Variants in GFRAL observed in about 807,000 individuals in gnomAD.
GFRAL encodes GDNF family receptor alpha-like.
GFRAL carries 36 observed loss-of-function variants against 45.4 expected under a neutral mutation model. That is an observed-to-expected ratio of 0.79 (90% CI 0.61 to 1.05). GFRAL has a LOEUF of 1.05. GFRAL is among the 50% of genes least tolerant of loss of function. The pLI, the probability that GFRAL is intolerant of heterozygous loss-of-function variation, is 0.00. For missense variants in GFRAL, 507 were observed against 467.5 expected, an observed-to-expected ratio of 1.08 and a Z score of -0.78; for synonymous variants, 166 against 154.1, an observed-to-expected ratio of 1.08 and a Z score of -0.57.
chr6:55,333,242 C>A (rs1767852647), intron 2 of GFRAL, among the ~76,000 whole-genome samples: 2 of 151,852 alleles, frequency 1.3e-5, no homozygotes, highest in East Asian at 1.9e-4. Context: ...AGAAAATGTT[C>A]AGGTAGAGGA....
Position 55,387,080 on chromosome 6 carries a change from C to T in GFRAL, c.953-12100C>T, listed in dbSNP as rs200116893. ...TGTTGTATGAATCATCATTTGACTA[C>T]CTTTGTTGTTTGCTCAAAGCCAAAA... On this transcript the variant is annotated intron_variant, in intron 6 of 8. Transcript: ENST00000340465. Among the ~76,000 whole-genome samples, 34 of 152,124 alleles carry T rather than the reference C, an allele frequency of 2.2e-4. 1 individual carries two copies. The South Asian group carries it at 3.9e-3, about 18-fold the overall frequency.
chr6:55,335,630 T>C (rs1055973742), intron 3 of GFRAL, among the ~76,000 whole-genome samples: 1 of 152,170 alleles, frequency 6.6e-6, no homozygotes, highest in African/African-American at 2.4e-5. Context: ...GTACAAGATA[T>C]AAGTCAGATT....
chr6:55,330,196 T>A (rs1364275628), intron 1 of GFRAL, among the ~76,000 whole-genome samples: 1 of 152,174 alleles, frequency 6.6e-6, no homozygotes, highest in Non-Finnish European at 1.5e-5. Flanking sequence ...ATCTGGAAGG[T>A]ATTATTTTTT....
At chr6:55,375,709 C>T (rs2134292) in intron 6 of GFRAL, among the ~76,000 whole-genome samples, 29,098 of 151,716 alleles carry the variant, frequency 0.19, 3,198 homozygotes, top group African/African-American at 0.3. Flanking sequence ...GCACATTAAT[C>T]TTATATCCTG....
chr6:55,367,806 G>T (rs1488634168), intron 6 of GFRAL, among the ~76,000 whole-genome samples: 1 of 152,162 alleles, frequency 6.6e-6, no homozygotes, highest in African/African-American at 2.4e-5. Context: ...TCTGCCAAGA[G>T]ATCCGCTCTT....
rs901174989 is a variant in GFRAL at position 55,399,250 on chromosome 6, A to C, written c.1023A>C (p.Leu341Phe). Reference sequence around the variant, plus strand: ...GAAAACATGCAAACAAAATCACTTTAACTGGATTTCATTCCCCCTTCAATG... The same window carrying C: ...GAAAACATGCAAACAAAATCACTTTCACTGGATTTCATTCCCCCTTCAATG... ...YTRKHANKIT[L>F]TGFHSPFNGE... Residue 341 changes from leucine (L) to phenylalanine (F), a missense_variant, in exon 7 of 9, where the codon TTA becomes TTC. Physicochemically the swap from Leu to Phe is conservative, Grantham distance 22 (BLOSUM62 0). Transcript: ENST00000340465. The C allele has an allele frequency of 3.1e-6, 5 of 1,604,330 alleles. No homozygotes were observed. The highest frequency in any genetic ancestry group is 4.3e-6 in the Non-Finnish European group (5 of 1,172,542).
intron 3 of GFRAL, among the ~76,000 whole-genome samples, chr6:55,347,114 G>C (rs1768054049): frequency 6.6e-6 from 1 of 152,016 alleles, no homozygotes; most frequent in East Asian, 1.9e-4. Context: ...ACAATAACAA[G>C]AAACTGTTCC....
chr6:55,379,879 C>T (rs920196027), intron 6 of GFRAL, among the ~76,000 whole-genome samples: 3 of 151,800 alleles, frequency 2.0e-5, no homozygotes, highest in South Asian at 2.1e-4. Context: ...TTTTAGATTC[C>T]GCATACAAGT....
At chr6:55,367,403 A>C (rs534608318) in intron 6 of GFRAL, among the ~76,000 whole-genome samples, 1 of 144,682 alleles carries the variant, frequency 6.9e-6, no homozygotes, top group Non-Finnish European at 1.5e-5. Context: ...CCAATTTGCC[A>C]GTCTGTGTTT....
chr6:55,401,321 G>T (rs1243815421), intron 8 of GFRAL, among the ~76,000 whole-genome samples: 1 of 152,032 alleles, frequency 6.6e-6, no homozygotes, highest in African/African-American at 2.4e-5. Context: ...TGAAACAAAA[G>T]CATCATTGGC....
intron 3 of GFRAL, among the ~76,000 whole-genome samples, chr6:55,347,296 A>G (rs1768056409): frequency 6.6e-6 from 1 of 152,146 alleles, no homozygotes; most frequent in African/African-American, 2.4e-5. Flanking sequence ...TTGCAATTGA[A>G]AGAGAGAGAA....
In GFRAL at chr6:55,399,386, G is replaced by T. The variant is rs992540787; in HGVS notation, c.1066G>T (p.Ala356Ser). The T allele has an allele frequency of 2.5e-6, 4 of 1,610,736 alleles. No homozygotes were observed. The African/African-American group carries it at 5.3e-5, about 22-fold the overall frequency. The change falls in exon 8 of 9, where the codon GCC becomes TCC. Residue 356 changes from alanine (A) to serine (S), a missense_variant. Physicochemically the swap from Ala to Ser is moderately conservative, Grantham distance 99 (BLOSUM62 1). Coordinates refer to ENST00000340465, the MANE Select transcript of GFRAL (RefSeq NM_207410.2). ...SPFNGEVIYA[A>S]MCMTVTCGIL... ...TTTTCTAGGAGAAGTAATCTATGCT[G>T]CCATGTGCATGACAGTCACCTGTGG...
chr6:55,368,381 G>A (rs1257917780), intron 6 of GFRAL, among the ~76,000 whole-genome samples: 1 of 150,960 alleles, frequency 6.6e-6, no homozygotes, highest in Non-Finnish European at 1.5e-5. Context: ...TTTGCCTTTG[G>A]TTTGAATGTC....
chr6:55,365,674 T>C (rs1473604174), intron 6 of GFRAL, among the ~76,000 whole-genome samples: 62 of 135,446 alleles, frequency 4.6e-4, no homozygotes, highest in African/African-American at 1.2e-3. Context: ...TGTCAAAGGC[T>C]TTTTCTGCAT....
At chr6:55,401,364 A>G (rs115239776) in intron 8 of GFRAL, among the ~76,000 whole-genome samples, 2,588 of 152,290 alleles carry the variant, frequency 0.017, 41 homozygotes, top group South Asian at 0.034. Flanking sequence ...ACCTGGAGAT[A>G]AATAATGCTC....
chr6:55,351,535 C>G lies in GFRAL; in HGVS notation c.653C>G (p.Pro218Arg), dbSNP rs146916331. ...TGTGCAGTGAACATGGTTCCACCCC[C>G]TACTTGCCTCAGTGTAATTCGCAGC... is the stretch of plus-strand genomic sequence containing the variant. ...KTCAVNMVPP[P>R]TCLSVIRSCQ... Residue 218 changes from proline (P) to arginine (R), a missense_variant, in exon 5 of 9, where the codon CCT (proline) becomes CGT (arginine). By Grantham distance (103) the Pro-to-Arg change is moderately radical (BLOSUM62 -2). Transcript: ENST00000340465. The G allele has an allele frequency of 6.2e-7, 1 of 1,607,812 alleles. No individual in the cohort carries two copies. The highest frequency in any genetic ancestry group is 2.2e-5 in the East Asian group (1 of 44,658).
intron 3 of GFRAL, among the ~76,000 whole-genome samples, chr6:55,342,303 C>G (rs1767978385): frequency 6.6e-6 from 1 of 152,086 alleles, no homozygotes. Context: ...AAAGGGAGGC[C>G]CAGCAGACTA....
At chr6:55,334,442 G>C (rs1332053741) in intron 3 of GFRAL, among the ~76,000 whole-genome samples, 1 of 152,172 alleles carries the variant, frequency 6.6e-6, no homozygotes, top group Non-Finnish European at 1.5e-5. Flanking sequence ...TAATACACTG[G>C]AGTAGGGGTG....
At chr6:55,361,166 G>T (rs979673425) in intron 6 of GFRAL, among the ~76,000 whole-genome samples, 10 of 151,936 alleles carry the variant, frequency 6.6e-5, no homozygotes, top group Non-Finnish European at 1.5e-4. Context: ...CTAGGAAGAG[G>T]AAGTTTTTGC....
Sources: gnomAD v4.1 joint callset for allele counts (sites outside exome capture counted in the v4.1 genomes callset) on GRCh38, gnomAD v4.1.1 for gene constraint, MANE v1.5 for transcripts, NCBI Gene and HGNC (gene_info 2026-07-23, HGNC 2026-07-21) for gene names.